The following RUFY1 variants were observed in gnomAD, a reference collection of about 807,000 sequenced individuals.
The protein encoded by RUFY1 is RUN and FYVE domain-containing protein 1.
A neutral mutation model predicts 94.6 loss-of-function variants in RUFY1; 54 were observed. The observed-to-expected ratio is 0.57, with a 90% CI of 0.46 to 0.72. The LOEUF (loss-of-function observed/expected upper bound fraction) is 0.72. Among genes scored for constraint, RUFY1 ranks in the 30% least tolerant of loss-of-function variants. The pLI is 0.00. For missense variants in RUFY1, 883 were observed against 883.9 expected, an observed-to-expected ratio of 1.00 and a Z score of 0.01; for synonymous variants, 396 against 347.3, an observed-to-expected ratio of 1.14 and a Z score of -1.56.
chr5:179,603,006 G>A (rs1273371513), intron 15 of RUFY1, among the ~76,000 whole-genome samples: 3 of 152,128 alleles, frequency 2.0e-5, no homozygotes, highest in South Asian at 2.1e-4. Flanking sequence ...GGTGGCTCAC[G>A]CCTGTAATCT....
intron 1 of RUFY1, among the ~76,000 whole-genome samples, chr5:179,553,591 C>T (rs1166951254): frequency 6.6e-6 from 1 of 151,804 alleles, no homozygotes; most frequent in Non-Finnish European, 1.5e-5. Context: ...CGAGACCAAC[C>T]TGGCCAACAT....
At chr5:179,569,543 G>A (rs1005028311) in intron 5 of RUFY1, 118 bp downstream of exon 5, 1 of 965,208 alleles carries the variant, frequency 1.0e-6, no homozygotes, top group Non-Finnish European at 1.6e-6. Context: ...CACTGGTAGA[G>A]GACCCCAGGG....
rs961619715 is a variant in RUFY1 at position 179,593,562 on chromosome 5, G to A, written c.1330G>A (p.Glu444Lys). 12 of 1,613,992 alleles carry A rather than the reference G, an allele frequency of 7.4e-6. No individual in the cohort carries two copies. The highest frequency in any genetic ancestry group is 2.2e-5 in the East Asian group (1 of 44,902). ...GAAGTTACTGGAAAAGGACACCCAC[G>A]AGAAGCAGGACACACTAGTTGCCCT... Reference protein sequence around the residue: ...AMKLLEKDTHEKQDTLVALRQ... With the variant: ...AMKLLEKDTHKKQDTLVALRQ... Residue 444 changes from glutamate (E) to lysine (K), a missense_variant, in exon 11 of 18, where the codon GAG becomes AAG. By Grantham distance (56) the Glu-to-Lys change is moderately conservative. Coordinates refer to ENST00000319449, the MANE Select transcript of RUFY1 (RefSeq NM_025158.5).
At chr5:179,566,466 C>T (rs1406864208) in intron 3 of RUFY1, among the ~76,000 whole-genome samples, 1 of 151,622 alleles carries the variant, frequency 6.6e-6, no homozygotes, top group East Asian at 1.9e-4. Flanking sequence ...ATTAGCTGGG[C>T]GTGGTGGCAG....
intron 17 of RUFY1, chr5:179,608,593 GC>G: frequency 1.0e-6 from 1 of 985,504 alleles, no homozygotes; most frequent in Non-Finnish European, 1.2e-6. Flanking sequence ...CAGCTCACTG[GC>G]TTAGTGATGA....
At position 179,574,258 on chromosome 5, in the gene RUFY1, G is replaced by A. The variant is rs144221225; in HGVS notation, c.829-2817G>A. Reference sequence around the variant, plus strand: ...AAAAATACAACAATTAGCTGGGCGTGGTGGCGTGTGCCTGTAATCCCGGTT... The same window carrying A: ...AAAAATACAACAATTAGCTGGGCGTAGTGGCGTGTGCCTGTAATCCCGGTT... On this transcript the variant is annotated intron_variant, in intron 5 of 17. Transcript: ENST00000319449. Among the ~76,000 whole-genome samples, 438 of 152,236 alleles carry A rather than the reference G, an allele frequency of 2.9e-3. 1 individual carries two copies. Among genetic ancestry groups the A allele is most frequent in the African/African-American group, 0.01 (420 of 41,568 alleles).
intron 11 of RUFY1, among the ~76,000 whole-genome samples, chr5:179,594,085 C>T (rs1031116491): frequency 1.1e-4 from 17 of 151,646 alleles, no homozygotes; most frequent in East Asian, 7.9e-4. Flanking sequence ...GGGCAGATCA[C>T]GAGGTCAGGA....
At chr5:179,562,332 G>A (rs1291349426) in intron 2 of RUFY1, among the ~76,000 whole-genome samples, 4 of 152,068 alleles carry the variant, frequency 2.6e-5, no homozygotes, top group Admixed American at 1.3e-4. Flanking sequence ...GCTTGAACCC[G>A]GGAGGCAGAG....
At chr5:179,571,462 G>A (rs966854642) in intron 5 of RUFY1, among the ~76,000 whole-genome samples, 2 of 150,810 alleles carry the variant, frequency 1.3e-5, no homozygotes, top group African/African-American at 2.4e-5. Flanking sequence ...TCATGCCACT[G>A]CATTGCACTC....
Position 179,562,636 on chromosome 5 carries a change from A to T in RUFY1, c.574A>T (p.Thr192Ser), listed in dbSNP as rs768166560. The stretch of plus-strand genomic sequence containing the variant: ...TTGTCCAGAAGCATCAGATATAGCG[A>T]CTAGTGTCAGAAATCTTCCAGAATT... Reference protein sequence around the residue: ...KLCPEASDIATSVRNLPELKT... With the variant: ...KLCPEASDIASSVRNLPELKT... Residue 192 changes from threonine to serine, a missense_variant, in exon 3 of 18, where the codon ACT (threonine) becomes TCT (serine). Physicochemically the swap from Thr to Ser is moderately conservative, Grantham distance 58 (BLOSUM62 1). Transcript: ENST00000319449. 1.3e-6 allele frequency: 2 copies of T among 1,591,700 alleles called. No homozygotes were observed. Among genetic ancestry groups the T allele is most frequent in the Non-Finnish European group, 1.7e-6 (2 of 1,159,858 alleles).
At position 179,569,801 on chromosome 5, in the gene RUFY1, G is replaced by C. The variant is rs144683948; in HGVS notation, c.828+376G>C. ...GTTGTGTCTCCCAGGCTGGAGTGCA[G>C]TGGCGCGATCTCGGCTCCCTGCAAC... On this transcript the variant is annotated intron_variant, in intron 5 of 17. Transcript: ENST00000319449. 9.6e-3 allele frequency among the ~76,000 whole-genome samples: 1,463 copies of C among 152,260 alleles called. 26 individuals are homozygous for C. The highest frequency in any genetic ancestry group is 0.032 in the African/African-American group (1,310 of 41,558).
Position 179,598,618 on chromosome 5 carries a change from G to T in RUFY1, c.1632-74G>T, listed in dbSNP as rs1163124988. ...ATTCAGAGACTTCCCTGTTTCCTGG[G>T]CGGTGAATTGGGTTGTGAATCTTCC... On this transcript the variant is annotated intron_variant, in intron 13 of 17. Coordinates refer to ENST00000319449, the MANE Select transcript of RUFY1 (RefSeq NM_025158.5). 7 of 1,557,256 alleles carry T rather than the reference G, an allele frequency of 4.5e-6. No individual in the cohort carries two copies. The Admixed American group carries it at 1.2e-4, about 27-fold the overall frequency.
At chr5:179,595,485 GC>G (rs1765541458) in intron 12 of RUFY1, among the ~76,000 whole-genome samples, 1 of 151,888 alleles carries the variant, frequency 6.6e-6, no homozygotes, top group African/African-American at 2.4e-5. Context: ...GAAGTGAGTG[GC>G]ACAATCCCAC....
At chr5:179,587,464 A>G (rs1394235079) in intron 8 of RUFY1, among the ~76,000 whole-genome samples, 1 of 146,898 alleles carries the variant, frequency 6.8e-6, no homozygotes, top group Non-Finnish European at 1.5e-5. Context: ...GCTCACTGCA[A>G]GCTCCCAAGC....
At chr5:179,564,317 A>C (rs1762661371) in intron 3 of RUFY1, among the ~76,000 whole-genome samples, 1 of 147,640 alleles carries the variant, frequency 6.8e-6, no homozygotes, top group Non-Finnish European at 1.5e-5. Context: ...ATGGGGTTTC[A>C]CCACATTGGC....
At chr5:179,585,437 G>A (rs139009418) in intron 7 of RUFY1, among the ~76,000 whole-genome samples, 196 of 152,182 alleles carry the variant, frequency 1.3e-3, no homozygotes, top group African/African-American at 4.5e-3. Flanking sequence ...AAATTAGCCA[G>A]GTGCAGTGGC....
At position 179,609,959 on chromosome 5, in the gene RUFY1, C is replaced by T. The variant is rs937412264; in HGVS notation, c.*440C>T. The T allele has an allele frequency of 5.1e-5, 8 of 155,948 alleles. No individual in the cohort carries two copies. The highest frequency in any genetic ancestry group is 1.7e-4 in the African/African-American group (7 of 41,568). 9.7% of individuals were successfully genotyped at this position (155,948 alleles called of 1,614,324 possible). ...GCTTCAGACAAGAGATCTGCCATTT[C>T]ATGCCCTTGTGACTACCTATCATTG... On this transcript the variant is annotated 3_prime_UTR_variant, in exon 18 of 18. Coordinates refer to ENST00000319449, the MANE Select transcript of RUFY1 (RefSeq NM_025158.5).
At chr5:179,596,890 G>A (rs1162412323) in intron 13 of RUFY1, 13 of 555,592 alleles carry the variant, frequency 2.3e-5, no homozygotes, top group South Asian at 6.3e-5. Flanking sequence ...GGTCCAGCTC[G>A]CCTCCAGAAG....
At chr5:179,606,587 C>G (rs1013684194) in intron 16 of RUFY1, 1 of 154,838 alleles carries the variant, frequency 6.5e-6, no homozygotes, top group African/African-American at 2.4e-5. Context: ...AGTCCCTTTG[C>G]ACACTGTTCC....
Sources: gnomAD v4.1 joint callset for allele counts (sites outside exome capture counted in the v4.1 genomes callset) on GRCh38, gnomAD v4.1.1 for gene constraint, MANE v1.5 for transcripts, NCBI Gene and HGNC (gene_info 2026-07-23, HGNC 2026-07-21) for gene names.